Variants in ATXN10 observed in about 807,000 individuals in gnomAD.
ATXN10 encodes the protein ataxin-10.
A neutral mutation model predicts 52.9 loss-of-function variants in ATXN10; 28 were observed. The ratio of observed to expected loss-of-function variants is 0.53; its 90% CI spans 0.39 to 0.73. ATXN10 has a LOEUF of 0.73. Ranked by LOEUF, ATXN10 falls within the 30% of genes least tolerant of loss-of-function variation. ATXN10 has a pLI of 0.00. For missense variants in ATXN10, 565 were observed against 577.0 expected, an observed-to-expected ratio of 0.98 and a Z score of 0.21; for synonymous variants, 226 against 221.5, an observed-to-expected ratio of 1.02 and a Z score of -0.18.
chr22:45,777,270 T>C (rs1318833252), intron 9 of ATXN10, among the ~76,000 whole-genome samples: 2 of 152,218 alleles, frequency 1.3e-5, no homozygotes, highest in Non-Finnish European at 2.9e-5. Flanking sequence ...GTTATGTCGT[T>C]GTTACCATAG....
chr22:45,842,914 A>C lies in ATXN10; in HGVS notation c.1238-77A>C. 1 of 1,484,434 alleles carries C rather than the reference A, an allele frequency of 6.7e-7. No homozygotes were observed. Among genetic ancestry groups the C allele is most frequent in the Non-Finnish European group, 9.4e-7 (1 of 1,063,826 alleles). 92.0% of individuals were successfully genotyped at this position (1,484,434 alleles called of 1,614,324 possible). ...ATGTTCCGTGTTTCTGTGCTCCTCT[A>C]CTCCTTTTCTGATAATTCTTATGTG... On this transcript the variant is annotated intron_variant, in intron 10 of 11. Coordinates refer to ENST00000252934, the MANE Select transcript of ATXN10 (RefSeq NM_013236.4). This position sits in a 1 kb window ranked among gnomAD's most constrained non-coding sequence, Gnocchi z 4.8.
Position 45,729,463 on chromosome 22 carries a change from G to A in ATXN10, c.767G>A (p.Ser256Asn). Residue 256 changes from serine to asparagine, a missense_variant, in exon 7 of 12, where the codon AGT (serine) becomes AAT (asparagine). Physicochemically the swap from Ser to Asn is conservative, Grantham distance 46. Coordinates refer to ENST00000252934, the MANE Select transcript of ATXN10 (RefSeq NM_013236.4). ...LLDLMIAKIT[S>N]DEPLTKDDIP... ...GACCTTATGATAGCCAAGATAACGA[G>A]TGATGAGCCACTCACCAAGGATGAC... The A allele has an allele frequency of 6.2e-7, 1 of 1,614,142 alleles. No individual in the cohort carries two copies. The highest frequency in any genetic ancestry group is 8.5e-7 in the Non-Finnish European group (1 of 1,180,030).
At chr22:45,830,854 A>G (rs138436580) in intron 10 of ATXN10, among the ~76,000 whole-genome samples, 82 of 152,354 alleles carry the variant, frequency 5.4e-4, no homozygotes, top group African/African-American at 1.8e-3. Flanking sequence ...TAGCAATTCC[A>G]CTTCTGGGTA....
At chr22:45,719,747 T>A (rs1395350706) in intron 6 of ATXN10, among the ~76,000 whole-genome samples, 1 of 152,222 alleles carries the variant, frequency 6.6e-6, no homozygotes, top group Non-Finnish European at 1.5e-5. Flanking sequence ...ATCAGGTGCA[T>A]CCTTACTTCA....
chr22:45,794,157 A>T (rs5764850), intron 9 of ATXN10, among the ~76,000 whole-genome samples: 4 of 151,910 alleles, frequency 2.6e-5, no homozygotes, highest in Admixed American at 6.6e-5. Flanking sequence ...TATGTCTTAT[A>T]GAAAATGGCT....
chr22:45,811,923 C>T (rs562316942), intron 10 of ATXN10: 23 of 388,404 alleles, frequency 5.9e-5, no homozygotes, highest in African/African-American at 3.1e-4. Flanking sequence ...GCCTCCTAGA[C>T]GGCCCATCAT....
chr22:45,808,528 T>G (rs2146886467), intron 10 of ATXN10, among the ~76,000 whole-genome samples: 1 of 152,354 alleles, frequency 6.6e-6, no homozygotes, highest in African/African-American at 2.4e-5. Flanking sequence ...GTTCATTCAG[T>G]TCTTCCTTCA....
In ATXN10 at chr22:45,826,119, T is replaced by C. The variant is rs1432244997; in HGVS notation, c.1238-16872T>C. Among the ~76,000 whole-genome samples the C allele has an allele frequency of 6.6e-6, 1 of 151,992 alleles. No individual in the cohort carries two copies. On this transcript the variant is annotated intron_variant, in intron 10 of 11. Coordinates refer to ENST00000252934, the MANE Select transcript of ATXN10 (RefSeq NM_013236.4). The surrounding 1 kb of genome is among the most constrained non-coding windows in gnomAD (Gnocchi z 5.0). ...ACAAAATGAAATGTCAGCAAAGAGA[T>C]AGAAGACCTGAAGATAAATCAAAGA...
rs1927355386 is a variant in ATXN10, at chr22:45,787,365, C to G, written c.1174-19594C>G. On this transcript the variant is annotated intron_variant, in intron 9 of 11. Transcript: ENST00000252934. This position sits in a 1 kb window ranked among gnomAD's most constrained non-coding sequence, Gnocchi z 4.2. ...TTGACTCCAAAACTGGAGTTCGGAC[C>G]TTTTTCCGTCTACCGCTGTGTCTTG... Among the ~76,000 whole-genome samples the G allele has an allele frequency of 6.6e-6, 1 of 152,098 alleles. No homozygotes were observed. The highest frequency in any genetic ancestry group is 2.4e-5 in the African/African-American group (1 of 41,400).
rs1448906654 is a variant in ATXN10, at chr22:45,840,923, A to G, written c.1238-2068A>G. Among the ~76,000 whole-genome samples, 2 of 152,050 alleles carry G rather than the reference A, an allele frequency of 1.3e-5. No homozygotes were observed. The highest frequency in any genetic ancestry group is 2.4e-5 in the African/African-American group (1 of 41,432). On this transcript the variant is annotated intron_variant, in intron 10 of 11. Transcript: ENST00000252934. This position sits in a 1 kb window ranked among gnomAD's most constrained non-coding sequence, Gnocchi z 5.8. ...CTTGCTCCTTGAGTCAGTTCTTTTC[A>G]TAATCACTGACTCCTCCTTTTCCTA...
intron 9 of ATXN10, among the ~76,000 whole-genome samples, chr22:45,764,924 C>G (rs1434288652): frequency 1.3e-5 from 2 of 152,178 alleles, no homozygotes; most frequent in African/African-American, 4.8e-5. Context: ...TGAACCTTTT[C>G]ACATCTTCAG....
intron 1 of ATXN10, 64 bp downstream of exon 1, chr22:45,672,243 C>T: frequency 7.1e-7 from 1 of 1,403,060 alleles, no homozygotes; most frequent in South Asian, 1.5e-5. Flanking sequence ...CCGCGGCGGC[C>T]CCGGCCTGGA....
At chr22:45,815,627 G>C (rs1180189555) in intron 10 of ATXN10, among the ~76,000 whole-genome samples, 1 of 150,172 alleles carries the variant, frequency 6.7e-6, no homozygotes, top group Non-Finnish European at 1.5e-5. Context: ...CTTTTTCATG[G>C]TGTCACTGGA....
chr22:45,756,326 G>A (rs1002874938), intron 9 of ATXN10, among the ~76,000 whole-genome samples: 1 of 151,998 alleles, frequency 6.6e-6, no homozygotes, highest in African/African-American at 2.4e-5. Context: ...TAAATTTTTT[G>A]TAGAGATGAG....
rs977994524 is a variant in ATXN10 at position 45,750,642 on chromosome 22, G to A, written c.1173+10104G>A. ...TAAGCCATAATTTTGACTATAAAAT[G>A]AAAATAATTGAGGAATTGTCATATC... On this transcript the variant is annotated intron_variant, in intron 9 of 11. Transcript: ENST00000252934. This position sits in a 1 kb window ranked among gnomAD's most constrained non-coding sequence, Gnocchi z 4.2. Among the ~76,000 whole-genome samples, 1 of 152,094 alleles carries A rather than the reference G, an allele frequency of 6.6e-6. No individual in the cohort carries two copies. Among genetic ancestry groups the A allele is most frequent in the African/African-American group, 2.4e-5 (1 of 41,408 alleles).
chr22:45,757,609 G>GA lies in ATXN10; in HGVS notation c.1173+17082dup, dbSNP rs368717897. 8.5e-4 allele frequency among the ~76,000 whole-genome samples: 122 copies of GA among 143,990 alleles called. No individual in the cohort carries two copies. Among genetic ancestry groups the GA allele is most frequent in the Middle Eastern group, 3.5e-3 (1 of 282 alleles). 94.5% of individuals were successfully genotyped at this position (143,990 alleles called of 152,430 possible). On this transcript the variant is annotated intron_variant, in intron 9 of 11. Transcript: ENST00000252934. This position sits in a 1 kb window ranked among gnomAD's most constrained non-coding sequence, Gnocchi z 4.6. ...TGAAAAATCATTTCTAGCCATTTTA[G>GA]AAAAAAAAAAACATTAGTACAGTAT...
At position 45,837,976 on chromosome 22, in the gene ATXN10, C is replaced by G. The variant is rs1172284925; in HGVS notation, c.1238-5015C>G. 6.6e-5 allele frequency among the ~76,000 whole-genome samples: 10 copies of G among 152,192 alleles called. No homozygotes were observed. Among genetic ancestry groups the G allele is most frequent in the Non-Finnish European group, 1.5e-4 (10 of 68,038 alleles). ...TGACCAGAACAGAGTTCCTGTCGCC[C>G]TGGAGTCTACATTTAATGATGTAGA... On this transcript the variant is annotated intron_variant, in intron 10 of 11. Coordinates refer to ENST00000252934, the MANE Select transcript of ATXN10 (RefSeq NM_013236.4). This position sits in a 1 kb window ranked among gnomAD's most constrained non-coding sequence, Gnocchi z 5.8.
At chr22:45,796,827 A>G (rs374901466) in intron 9 of ATXN10, among the ~76,000 whole-genome samples, 17 of 152,204 alleles carry the variant, frequency 1.1e-4, no homozygotes, top group South Asian at 4.1e-4. Context: ...GCAAGACTCA[A>G]TTATATGCTA....
intron 9 of ATXN10, among the ~76,000 whole-genome samples, chr22:45,755,500 C>A (rs908466673): frequency 1.3e-5 from 2 of 152,188 alleles, no homozygotes; most frequent in Non-Finnish European, 2.9e-5. Context: ...CTCCTTTCCC[C>A]TTCCCTCCTC....
Sources: allele counts gnomAD v4.1 joint callset (sites outside exome capture counted in the v4.1 genomes callset), GRCh38; gene constraint gnomAD v4.1.1; non-coding constraint Gnocchi (gnomAD v3.1); transcripts MANE v1.5; gene names NCBI Gene and HGNC (gene_info 2026-07-23, HGNC 2026-07-21).